RYR2: variants seen among roughly 807,000 people sequenced by gnomAD.
RYR2 encodes ryanodine receptor 2.
Under a neutral mutation model 601.1 loss-of-function variants are expected in RYR2, and 227 were observed. The observed-to-expected ratio is 0.38, with a 90% confidence interval of 0.34 to 0.42. The LOEUF (loss-of-function observed/expected upper bound fraction) is 0.42. Among genes scored for constraint, RYR2 ranks in the 10% least tolerant of loss-of-function variants. The probability of loss-of-function intolerance (pLI) is 1.00; values close to 1 mark genes in which losing one functional copy is unlikely to be tolerated. For missense variants in RYR2, 4,646 were observed against 6,156.5 expected, an observed-to-expected ratio of 0.75 and a Z score of 8.21; for synonymous variants, 2,223 against 2,175.1, an observed-to-expected ratio of 1.02 and a Z score of -0.61.
At chr1:237,107,385 G>A (rs1469633184) in intron 1 of RYR2, among the ~76,000 whole-genome samples, 2 of 151,260 alleles carry the variant, frequency 1.3e-5, no homozygotes, top group Non-Finnish European at 2.9e-5. Flanking sequence ...GCTGGACGTG[G>A]TGGCGGGCGC....
chr1:237,688,359 T>A (rs1249112274), intron 63 of RYR2, among the ~76,000 whole-genome samples: 1 of 151,986 alleles, frequency 6.6e-6, no homozygotes, highest in Non-Finnish European at 1.5e-5. Context: ...ATTAAAAAAA[T>A]TAAGTCATTT....
At chr1:237,412,778 T>C (rs1403287979) in intron 10 of RYR2, among the ~76,000 whole-genome samples, 2 of 152,160 alleles carry the variant, frequency 1.3e-5, no homozygotes, top group Non-Finnish European at 2.9e-5. Flanking sequence ...TATCAGTCTG[T>C]GTAATTTCTT....
rs78922894 is a variant in RYR2, at chr1:237,295,324, T to C, written c.168+24708T>C. 5.2e-3 allele frequency among the ~76,000 whole-genome samples: 796 copies of C among 152,230 alleles called. 9 individuals carry two copies. The highest frequency in any genetic ancestry group is 0.018 in the African/African-American group (759 of 41,536). The stretch of plus-strand genomic sequence containing the variant: ...AGTCAGAAGGAGGAAGGATTACTTT[T>C]TGCAGTAATTTTGATCATAATGCAG... On this transcript the variant is annotated intron_variant, in intron 2 of 104. Coordinates refer to ENST00000366574, the MANE Select transcript of RYR2 (RefSeq NM_001035.3).
At chr1:237,325,905 C>T (rs918607293) in intron 2 of RYR2, among the ~76,000 whole-genome samples, 9 of 151,426 alleles carry the variant, frequency 5.9e-5, no homozygotes, top group Non-Finnish European at 1.0e-4. Context: ...ACCTTCACGC[C>T]GAGGGAGAAA....
Position 237,419,772 on chromosome 1 carries a change from G to A in RYR2, c.848+2649G>A, listed in dbSNP as rs543510783. Among the ~76,000 whole-genome samples the A allele has an allele frequency of 1.1e-4, 17 of 152,246 alleles. 1 individual carries two copies. In the South Asian group the frequency reaches 2.7e-3, roughly 24 times the overall value. ...TTTAAGAAGTTTTTCAGATTATACTGACTCTTTAAACTACTTTGGCTTTAT... is the reference window on the plus strand; with the variant it reads ...TTTAAGAAGTTTTTCAGATTATACTAACTCTTTAAACTACTTTGGCTTTAT... On this transcript the variant is annotated intron_variant, in intron 11 of 104. Transcript: ENST00000366574.
At position 237,832,782 on chromosome 1, in the gene RYR2, T is replaced by G; in HGVS notation, c.*135T>G. ...GTGTGTTTTCTGGGAGCATCGAAGCTCTGTTTCGGAAGAGCTGTTTCCTCC... is the reference window on the plus strand; with the variant it reads ...GTGTGTTTTCTGGGAGCATCGAAGCGCTGTTTCGGAAGAGCTGTTTCCTCC... On this transcript the variant is annotated 3_prime_UTR_variant, in exon 105 of 105. Transcript: ENST00000366574. 1 of 558,016 alleles carries G rather than the reference T, an allele frequency of 1.8e-6. No individual in the cohort carries two copies. The highest frequency in any genetic ancestry group is 3.2e-6 in the Non-Finnish European group (1 of 312,556). 34.6% of individuals were successfully genotyped at this position (558,016 alleles called of 1,614,324 possible).
chr1:237,290,262 A>G (rs896747175), intron 2 of RYR2, among the ~76,000 whole-genome samples: 1 of 152,270 alleles, frequency 6.6e-6, no homozygotes, highest in Non-Finnish European at 1.5e-5. Flanking sequence ...AGGGCACTAA[A>G]GACTGTATAC....
In RYR2 at chr1:237,146,990, A is replaced by G. The variant is rs530888575; in HGVS notation, c.48+104421A>G. On this transcript the variant is annotated intron_variant, in intron 1 of 104. Transcript: ENST00000366574. ...TTTTATACCAGCTTTAAAGTTTGGG[A>G]GCTGCAAATGCCCTTTGTTCTGGGG... Among the ~76,000 whole-genome samples, 7 of 149,586 alleles carry G rather than the reference A, an allele frequency of 4.7e-5. 1 individual carries two copies. The South Asian group carries it at 1.5e-3, about 33-fold the overall frequency.
At chr1:237,509,207 C>CCGCA (rs1454773916) in intron 23 of RYR2, among the ~76,000 whole-genome samples, 3 of 152,090 alleles carry the variant, frequency 2.0e-5, no homozygotes, top group African/African-American at 7.2e-5. Context: ...GTGTTAGCAC[C>CCGCA]CGCACCTTTC....
intron 47 of RYR2, among the ~76,000 whole-genome samples, chr1:237,641,538 T>TTC (rs1284871797): frequency 1.3e-5 from 2 of 151,356 alleles, no homozygotes; most frequent in Admixed American, 1.3e-4. Flanking sequence ...TTTCTTTCTT[T>TTC]TCTCTCTTTT....
intron 2 of RYR2, among the ~76,000 whole-genome samples, chr1:237,284,238 G>A (rs1042742048): frequency 4.0e-5 from 6 of 151,656 alleles, no homozygotes; most frequent in African/African-American, 9.7e-5. Context: ...CAAATCAGCC[G>A]GGCGTGGTCG....
intron 1 of RYR2, among the ~76,000 whole-genome samples, chr1:237,125,653 A>C (rs758910314): frequency 7.2e-5 from 11 of 152,198 alleles, no homozygotes; most frequent in Non-Finnish European, 1.6e-4. Context: ...CTAAATATTA[A>C]ACTGAATGAA....
At chr1:237,802,409 C>T (rs1773457) in intron 98 of RYR2, 53,225 of 151,994 alleles carry the variant, frequency 0.35, 10,168 homozygotes, top group East Asian at 0.63. Context: ...TAAAAACCGC[C>T]AGGTGTCTCA....
At chr1:237,517,956 C>G (rs531214625) in intron 24 of RYR2, among the ~76,000 whole-genome samples, 1 of 152,258 alleles carries the variant, frequency 6.6e-6, no homozygotes, top group Non-Finnish European at 1.5e-5. Context: ...AAATCTCAGG[C>G]TCCTTTCAGT....
intron 1 of RYR2, among the ~76,000 whole-genome samples, chr1:237,262,597 T>C (rs1688650769): frequency 6.6e-6 from 1 of 152,162 alleles, no homozygotes; most frequent in East Asian, 1.9e-4. Context: ...AGGAATTCAA[T>C]TCAACATATA....
intron 2 of RYR2, among the ~76,000 whole-genome samples, chr1:237,322,465 T>C (rs1695713360): frequency 6.6e-6 from 1 of 152,172 alleles, no homozygotes; most frequent in Non-Finnish European, 1.5e-5. Flanking sequence ...GCAAAGGTCA[T>C]ATTCCAGACA....
rs866375142 is a variant in RYR2 at position 237,702,003 on chromosome 1, T to C, written c.9393T>C (p.Tyr3131=). 1.2e-6 allele frequency: 2 copies of C among 1,607,480 alleles called. No homozygotes were observed. Among genetic ancestry groups the C allele is most frequent in the Middle Eastern group, 3.3e-4 (2 of 6,038 alleles). Residue 3131 remains tyrosine, a synonymous_variant, in exon 66 of 105, where the codon TAT becomes TAC. Transcript: ENST00000366574. Reference sequence around the variant, plus strand: ...TGGAAGATGTCCAGGTGTCTTGTTATAGAATTCTGACTAGCTTATATGCTT... The same window carrying C: ...TGGAAGATGTCCAGGTGTCTTGTTACAGAATTCTGACTAGCTTATATGCTT... The part of the protein sequence containing the change: ...LILEDVQVSC[Y]RILTSLYALG...
intron 1 of RYR2, among the ~76,000 whole-genome samples, chr1:237,164,974 CTTTTT>C (rs33976720): frequency 2.7e-5 from 4 of 148,444 alleles, no homozygotes; most frequent in African/African-American, 9.9e-5. Flanking sequence ...GCTGTTTATT[CTTTTT>C]TTTTTTTTTT....
At chr1:237,579,963 G>T (rs1053374792) in intron 29 of RYR2, among the ~76,000 whole-genome samples, 6 of 151,982 alleles carry the variant, frequency 3.9e-5, no homozygotes, top group African/African-American at 1.2e-4. Context: ...AAACGCAGAT[G>T]ATATCTGATT....
Sources: allele counts gnomAD v4.1 joint callset (sites outside exome capture counted in the v4.1 genomes callset), GRCh38; gene constraint gnomAD v4.1.1; transcripts MANE v1.5; gene names NCBI Gene and HGNC (gene_info 2026-07-23, HGNC 2026-07-21).